FBXO24: variants seen among roughly 807,000 people sequenced by gnomAD.
FBXO24 encodes F-box protein 24.
FBXO24 carries 30 observed loss-of-function variants against 63.5 expected under a neutral mutation model. That is an observed-to-expected ratio of 0.47 (90% CI 0.35 to 0.64). FBXO24 has a LOEUF of 0.64. Among genes scored for constraint, FBXO24 ranks in the 30% least tolerant of loss-of-function variants. The pLI is 0.00. For synonymous variants in FBXO24, 300 were observed against 305.0 expected (o/e 0.98, Z 0.17); for missense variants, 624 against 763.4 (o/e 0.82, Z 2.15).
At chr7:100,599,254 T>C (rs1802463485) in intron 8 of FBXO24, among the ~76,000 whole-genome samples, 1 of 151,750 alleles carries the variant, frequency 6.6e-6, no homozygotes, top group East Asian at 1.9e-4. Flanking sequence ...ACCCCATCTC[T>C]AAAAAAAGAA....
chr7:100,598,031 C>T (rs1802399774), intron 8 of FBXO24, among the ~76,000 whole-genome samples: 1 of 151,774 alleles, frequency 6.6e-6, no homozygotes. Flanking sequence ...GGCCCCATCC[C>T]ATTTTTTGTT....
At chr7:100,591,005 T>C (rs1316135606) in intron 3 of FBXO24, among the ~76,000 whole-genome samples, 1 of 151,440 alleles carries the variant, frequency 6.6e-6, no homozygotes, top group Non-Finnish European at 1.5e-5. Flanking sequence ...TGTTTCTGTC[T>C]CTTCTCTTTT....
At chr7:100,591,925 C>G in intron 4 of FBXO24, 23 bp downstream of exon 4, 1 of 1,610,070 alleles carries the variant, frequency 6.2e-7, no homozygotes, top group Non-Finnish European at 8.5e-7. Context: ...ACCCTGGCAG[C>G]TGAGAGCCCA....
chr7:100,589,002 T>G (rs377213845), intron 1 of FBXO24, among the ~76,000 whole-genome samples: 33 of 152,108 alleles, frequency 2.2e-4, no homozygotes, highest in African/African-American at 7.2e-4. Flanking sequence ...TTTAAGTTTT[T>G]TTTTTTTTTT....
chr7:100,592,069 T>C, intron 4 of FBXO24, 167 bp downstream of exon 4: 1 of 625,468 alleles, frequency 1.6e-6, no homozygotes, highest in Non-Finnish European at 2.8e-6. Flanking sequence ...GAGACCAGCC[T>C]GGCCAAATGG....
chr7:100,597,043 A>G (rs550723882), intron 8 of FBXO24, among the ~76,000 whole-genome samples: 4 of 152,320 alleles, frequency 2.6e-5, no homozygotes, highest in East Asian at 1.9e-4. Flanking sequence ...CTCTGTCTCA[A>G]AACAAAACAA....
At chr7:100,597,885 T>G (rs1019525527) in intron 8 of FBXO24, among the ~76,000 whole-genome samples, 24 of 141,168 alleles carry the variant, frequency 1.7e-4, no homozygotes, top group African/African-American at 5.3e-4. Flanking sequence ...GTTTTTTTTG[T>G]TTTTTTTGTT....
Position 100,600,082 on chromosome 7 carries a change from C to T in FBXO24, c.1258C>T (p.Leu420=). 2 of 1,610,990 alleles carry T rather than the reference C, an allele frequency of 1.2e-6. No homozygotes were observed. Among genetic ancestry groups the T allele is most frequent in the Non-Finnish European group, 1.7e-6 (2 of 1,179,370 alleles). ...CCTGTGGTGCGGCCTCAACCACTCC[C>T]TGGTGCTGAGCCAGAGCTCAGAGTT... The part of the protein sequence containing the change: ...ITLWCGLNHS[L]VLSQSSEFSK... The change falls in exon 9 of 10, where the codon CTG becomes TTG. Residue 420 remains leucine, a synonymous_variant. Coordinates refer to ENST00000241071, the MANE Select transcript of FBXO24 (RefSeq NM_033506.3). This position sits in a 1 kb window ranked among gnomAD's most constrained non-coding sequence, Gnocchi z 6.3.
chr7:100,600,647 G>C lies in FBXO24; in HGVS notation c.1491G>C (p.Val497=), dbSNP rs1802557837. The change falls in exon 10 of 10, where the codon GTG becomes GTC. Residue 497 remains valine (V), a synonymous_variant. Transcript: ENST00000241071. This position sits in a 1 kb window ranked among gnomAD's most constrained non-coding sequence, Gnocchi z 6.3. ...GCCACCTGCCAGCCAGCAGGGTGGT[G>C]GGGACTCCTGAGCCCAGCCTGGGGG... is the stretch of plus-strand genomic sequence containing the variant. ...PYRHLPASRV[V]GTPEPSLGAR... The C allele has an allele frequency of 6.2e-7, 1 of 1,613,810 alleles. No homozygotes were observed. The highest frequency in any genetic ancestry group is 1.7e-5 in the Admixed American group (1 of 59,992).
Position 100,600,670 on chromosome 7 carries a change from G to GCA in FBXO24, c.1514_1515insCA (p.Ala506ArgfsTer35), listed in dbSNP as rs1205750857. On this transcript the variant is annotated frameshift_variant, in exon 10 of 10. Coordinates refer to ENST00000241071, the MANE Select transcript of FBXO24 (RefSeq NM_033506.3). LOFTEE classifies it high-confidence loss of function. This position sits in a 1 kb window ranked among gnomAD's most constrained non-coding sequence, Gnocchi z 6.3. ...GTGGGGACTCCTGAGCCCAGCCTGGGGGCCAGAGCACCCCAGGACCCCGGG... is the reference window on the plus strand; with the variant it reads ...GTGGGGACTCCTGAGCCCAGCCTGGGCAGGCCAGAGCACCCCAGGACCCCGGG... The GCA allele has an allele frequency of 2.5e-6, 4 of 1,613,946 alleles. No homozygotes were observed. Among genetic ancestry groups the GCA allele is most frequent in the Non-Finnish European group, 3.4e-6 (4 of 1,179,972 alleles).
At chr7:100,599,984 C>T (rs187299835) in intron 8 of FBXO24, 47 bp from the exon 9 acceptor site, 7 of 1,519,248 alleles carry the variant, frequency 4.6e-6, no homozygotes, top group South Asian at 2.4e-5. Context: ...CCAGCCCCCC[C>T]GTCCCTTGGT....
rs563973214 is a variant in FBXO24 at position 100,596,711 on chromosome 7, C to T, written c.1206+1005C>T. Among the ~76,000 whole-genome samples, 14 of 152,074 alleles carry T rather than the reference C, an allele frequency of 9.2e-5. No homozygotes were observed. The South Asian group carries it at 1.9e-3, about 20-fold the overall frequency. ...CTATTTGGGAAGAAAATGAATAGGG[C>T]CTCAAAACTGATTAGATGTAGAAGA... On this transcript the variant is annotated intron_variant, in intron 8 of 9. Transcript: ENST00000241071.
rs1473622917 is a variant in FBXO24 at position 100,586,566 on chromosome 7, G to A, written c.-60G>A. 1 of 1,577,762 alleles carries A rather than the reference G, an allele frequency of 6.3e-7. No homozygotes were observed. Among genetic ancestry groups the A allele is most frequent in the African/African-American group, 1.3e-5 (1 of 74,350 alleles). ...GTGACTGTCAAGAAGGCCAATTAGA[G>A]CCTCCGAAGGGAATCTGGACCTGCC... On this transcript the variant is annotated 5_prime_UTR_variant, in exon 1 of 10. Coordinates refer to ENST00000241071, the MANE Select transcript of FBXO24 (RefSeq NM_033506.3).
In FBXO24 at chr7:100,600,428, C is replaced by A. The variant is rs1481415626; in HGVS notation, c.1378-106C>A. On this transcript the variant is annotated intron_variant, in intron 9 of 9. Coordinates refer to ENST00000241071, the MANE Select transcript of FBXO24 (RefSeq NM_033506.3). The surrounding 1 kb of genome is among the most constrained non-coding windows in gnomAD (Gnocchi z 6.3). ...CCCCTGGGACTTAGCCGGCTCAGGG[C>A]TGGTGTGAGAGGGAAGAATGCAATA... 2 of 1,508,018 alleles carry A rather than the reference C, an allele frequency of 1.3e-6. No homozygotes were observed. Among genetic ancestry groups the A allele is most frequent in the Admixed American group, 2.3e-5 (1 of 44,026 alleles). 93.4% of individuals were successfully genotyped at this position (1,508,018 alleles called of 1,614,324 possible). A position where few individuals can be genotyped will look rare whatever the true frequency, so the allele number is the denominator to read the frequency against.
Position 100,600,583 on chromosome 7 carries a change from T to A in FBXO24, c.1427T>A (p.Ile476Asn). The A allele has an allele frequency of 6.2e-7, 1 of 1,604,978 alleles. No homozygotes were observed. Among genetic ancestry groups the A allele is most frequent in the Non-Finnish European group, 8.5e-7 (1 of 1,174,518 alleles). ...TGTGCCACCAGGGAGTGCCTATACA[T>A]CCTGTCCAGCCACGACATTGAGCAG... The part of the protein sequence containing the change: ...ALCATRECLY[I>N]LSSHDIEQHA... The change falls in exon 10 of 10, where the codon ATC (isoleucine) becomes AAC (asparagine). Residue 476 changes from isoleucine to asparagine, a missense_variant. Around this residue, in one of 3 missense-constraint regions of FBXO24, gnomAD observed 216 missense variants for 245.2 expected, o/e 0.88. Transcript: ENST00000241071. The surrounding 1 kb of genome is among the most constrained non-coding windows in gnomAD (Gnocchi z 6.3).
Position 100,586,676 on chromosome 7 carries a change from C to T in FBXO24, c.39+12C>T. On this transcript the variant is annotated intron_variant, in intron 1 of 9. Coordinates refer to ENST00000241071, the MANE Select transcript of FBXO24 (RefSeq NM_033506.3). ...TAAGGAGGAGGCGGGTGAGCTAGAACTTTAAGACTGAGGTTAAGAATGAAC... is the reference window on the plus strand; with the variant it reads ...TAAGGAGGAGGCGGGTGAGCTAGAATTTTAAGACTGAGGTTAAGAATGAAC... 1.9e-6 allele frequency: 3 copies of T among 1,614,162 alleles called. No individual in the cohort carries two copies. Among genetic ancestry groups the T allele is most frequent in the Non-Finnish European group, 2.5e-6 (3 of 1,179,980 alleles).
intron 1 of FBXO24, among the ~76,000 whole-genome samples, chr7:100,587,075 G>A (rs1250164730): frequency 1.3e-5 from 2 of 152,176 alleles, no homozygotes; most frequent in Non-Finnish European, 2.9e-5. Flanking sequence ...GGATCTCACC[G>A]CCTAGAACAC....
At chr7:100,590,676 G>A (rs1049974523) in intron 3 of FBXO24, among the ~76,000 whole-genome samples, 2 of 152,170 alleles carry the variant, frequency 1.3e-5, no homozygotes, top group African/African-American at 2.4e-5. Flanking sequence ...TGAACTCACT[G>A]TTGATATTCT....
In FBXO24 at chr7:100,600,279, G is replaced by T; in HGVS notation, c.1377+78G>T. The T allele has an allele frequency of 1.4e-6, 2 of 1,443,472 alleles. No individual in the cohort carries two copies. Among genetic ancestry groups the T allele is most frequent in the Non-Finnish European group, 1.8e-6 (2 of 1,091,656 alleles). 89.4% of individuals were successfully genotyped at this position (1,443,472 alleles called of 1,614,324 possible). The stretch of plus-strand genomic sequence containing the variant: ...CAGGAAGCCCACAGGCTGTAGCTGG[G>T]GCTCCTGCAGGGACCCAGGGGGTCC... On this transcript the variant is annotated intron_variant, in intron 9 of 9. Transcript: ENST00000241071. The surrounding 1 kb of genome is among the most constrained non-coding windows in gnomAD (Gnocchi z 6.3).
Sources: gnomAD v4.1 joint callset for allele counts (sites outside exome capture counted in the v4.1 genomes callset) on GRCh38, gnomAD v4.1.1 for gene constraint, gnomAD v4.1.1 regional missense constraint, Gnocchi (gnomAD v3.1) non-coding constraint, MANE v1.5 for transcripts, NCBI Gene and HGNC (gene_info 2026-07-23, HGNC 2026-07-21) for gene names.